Variants in KIAA1671 observed in about 807,000 individuals in gnomAD.
KIAA1671 encodes the protein uncharacterized protein KIAA1671.
A neutral mutation model predicts 131.2 loss-of-function variants in KIAA1671; 52 were observed. The observed-to-expected ratio is 0.40, with a 90% CI of 0.32 to 0.50. The LOEUF is 0.50. KIAA1671 is among the 20% of genes least tolerant of loss of function. The pLI is 0.73. For missense variants in KIAA1671, 2,360 were observed against 2,364.2 expected, an observed-to-expected ratio of 1.00 and a Z score of 0.04; for synonymous variants, 1,003 against 961.6, an observed-to-expected ratio of 1.04 and a Z score of -0.80.
chr22:24,970,897 G>C (rs5996802), intron 1 of KIAA1671, among the ~76,000 whole-genome samples: 31,681 of 152,020 alleles, frequency 0.21, 4,110 homozygotes, highest in African/African-American at 0.36. Context: ...CCTGTGCTAA[G>C]CACTTGCTAT....
At position 25,084,334 on chromosome 22, in the gene KIAA1671, G is replaced by A. The variant is rs146704133; in HGVS notation, c.4530+34970G>A. 9.8e-3 allele frequency among the ~76,000 whole-genome samples: 1,485 copies of A among 152,128 alleles called. 43 individuals carry two copies. Among genetic ancestry groups the A allele is most frequent in the East Asian group, 0.072 (370 of 5,152 alleles). ...TACTAAAAATACAAAAATTAGCCAG[G>A]CATGGTGGCGCACGCCTGTAATCCC... On this transcript the variant is annotated intron_variant, in intron 6 of 12. Coordinates refer to ENST00000358431, the MANE Select transcript of KIAA1671 (RefSeq NM_001145206.2).
At chr22:25,189,898 C>T (rs1934613198) in intron 11 of KIAA1671, among the ~76,000 whole-genome samples, 1 of 152,144 alleles carries the variant, frequency 6.6e-6, no homozygotes, top group African/African-American at 2.4e-5. Flanking sequence ...AGGCATGAGC[C>T]ACTGTGTCCA....
At chr22:25,002,342 C>G (rs1165123318) in intron 1 of KIAA1671, among the ~76,000 whole-genome samples, 1 of 152,146 alleles carries the variant, frequency 6.6e-6, no homozygotes, top group East Asian at 1.9e-4. Context: ...GGAGCTGACT[C>G]TGGCAGCACT....
In KIAA1671 at chr22:25,040,399, A is replaced by T. The variant is rs984481999; in HGVS notation, c.3269A>T (p.Lys1090Met). ...LEMAGSKNWMKGREHENASIL... is the reference protein window; with the variant it reads ...LEMAGSKNWMMGREHENASIL... ...ATGGCAGGCAGTAAAAACTGGATGAAGGGACGAGAGCATGAAAATGCAAGC... is the reference window on the plus strand; with the variant it reads ...ATGGCAGGCAGTAAAAACTGGATGATGGGACGAGAGCATGAAAATGCAAGC... Residue 1090 changes from lysine (K) to methionine (M), a missense_variant, in exon 5 of 13, where the codon AAG (lysine) becomes ATG (methionine). Lys to Met is a moderately conservative substitution (Grantham distance 95, BLOSUM62 -1). Around this residue, in one of 3 missense-constraint regions of KIAA1671, gnomAD observed 1,161 missense variants for 1,204.7 expected, o/e 0.96. Coordinates refer to ENST00000358431, the MANE Select transcript of KIAA1671 (RefSeq NM_001145206.2). 1.1e-5 allele frequency: 17 copies of T among 1,551,880 alleles called. No homozygotes were observed. Among genetic ancestry groups the T allele is most frequent in the Non-Finnish European group, 1.5e-5 (17 of 1,147,064 alleles).
Position 25,041,275 on chromosome 22 carries a change from G to A in KIAA1671, c.4145G>A (p.Arg1382Gln), listed in dbSNP as rs1161982895. 2.8e-5 allele frequency: 43 copies of A among 1,551,620 alleles called. No homozygotes were observed. The African/African-American group carries it at 5.3e-4, about 19-fold the overall frequency. ...KKGTPRKSTGRGEEDSVAQWG... is the reference protein window; with the variant it reads ...KKGTPRKSTGQGEEDSVAQWG... Reference sequence around the variant, plus strand: ...GGGACCCCAAGGAAATCCACCGGGCGGGGAGAGGAGGACAGTGTGGCCCAG... The same window carrying A: ...GGGACCCCAAGGAAATCCACCGGGCAGGGAGAGGAGGACAGTGTGGCCCAG... The change falls in exon 5 of 13, where the codon CGG (arginine) becomes CAG (glutamine). Residue 1382 changes from arginine (R) to glutamine (Q), a missense_variant. Around this residue, in one of 3 missense-constraint regions of KIAA1671, gnomAD observed 1,161 missense variants for 1,204.7 expected, o/e 0.96. Coordinates refer to ENST00000358431, the MANE Select transcript of KIAA1671 (RefSeq NM_001145206.2).
At chr22:25,085,076 C>G (rs1238559662) in intron 6 of KIAA1671, among the ~76,000 whole-genome samples, 1 of 152,240 alleles carries the variant, frequency 6.6e-6, no homozygotes, top group African/African-American at 2.4e-5. Context: ...GGACCCCCTT[C>G]TCAGTGGCAG....
chr22:25,079,673 G>T (rs1929297253), intron 6 of KIAA1671, among the ~76,000 whole-genome samples: 1 of 152,206 alleles, frequency 6.6e-6, no homozygotes, highest in Non-Finnish European at 1.5e-5. Flanking sequence ...AGAACAGGAG[G>T]GATGCCACGG....
chr22:25,036,733 A>G (rs1926617968), intron 4 of KIAA1671, among the ~76,000 whole-genome samples: 1 of 152,008 alleles, frequency 6.6e-6, no homozygotes, highest in African/African-American at 2.4e-5. Flanking sequence ...AGCCTGACCA[A>G]CATGGAGAAA....
At chr22:25,175,683 C>T (rs1489338742) in intron 8 of KIAA1671, 1 of 152,212 alleles carries the variant, frequency 6.6e-6, no homozygotes, top group Non-Finnish European at 1.5e-5. Context: ...CTAAGTGGTT[C>T]CTTCTTGATG....
rs1930055763 is a variant in KIAA1671, at chr22:25,092,122, A to G, written c.4530+42758A>G. Among the ~76,000 whole-genome samples, 3 of 152,286 alleles carry G rather than the reference A, an allele frequency of 2.0e-5. No individual in the cohort carries two copies. In the South Asian group the frequency reaches 6.2e-4, roughly 32 times the overall value. ...CCTGCCCTGGCTGAGTGTGTGTTCT[A>G]GTGGGAGAGACAGCTAATATATATG... On this transcript the variant is annotated intron_variant, in intron 6 of 12. Transcript: ENST00000358431.
intron 11 of KIAA1671, among the ~76,000 whole-genome samples, chr22:25,188,449 T>G (rs1297545524): frequency 0.01 from 191 of 18,814 alleles, no homozygotes; most frequent in African/African-American, 0.025. Flanking sequence ...GCCAATCGGG[T>G]GTGTGTGTGT....
chr22:25,141,794 G>A (rs1195426962), intron 6 of KIAA1671, among the ~76,000 whole-genome samples: 1 of 152,072 alleles, frequency 6.6e-6, no homozygotes, highest in African/African-American at 2.4e-5. Flanking sequence ...TGAAGCCGAG[G>A]TCCAGAGGTT....
chr22:25,001,233 GTATA>G (rs1555951932), intron 1 of KIAA1671, among the ~76,000 whole-genome samples: 6 of 43,986 alleles, frequency 1.4e-4, no homozygotes, highest in Non-Finnish European at 2.0e-4. Context: ...GTATGTGTGT[GTATA>G]TGTGTGTGTG....
chr22:25,078,278 ACT>A (rs1057021663), intron 6 of KIAA1671, among the ~76,000 whole-genome samples: 1 of 152,058 alleles, frequency 6.6e-6, no homozygotes, highest in Non-Finnish European at 1.5e-5. Context: ...TAATCCCAAG[ACT>A]CTGTGAGATC....
chr22:25,075,936 C>T lies in KIAA1671; in HGVS notation c.4530+26572C>T, dbSNP rs541770049. Among the ~76,000 whole-genome samples, 21 of 151,744 alleles carry T rather than the reference C, an allele frequency of 1.4e-4. No homozygotes were observed. The East Asian group carries it at 1.8e-3, about 13-fold the overall frequency. On this transcript the variant is annotated intron_variant, in intron 6 of 12. Transcript: ENST00000358431. ...GATTACAGGCGCCTGCCACCATGCCCGGCTAATTTTTGTATTTTTAGTAGA... is the reference window on the plus strand; with the variant it reads ...GATTACAGGCGCCTGCCACCATGCCTGGCTAATTTTTGTATTTTTAGTAGA...
chr22:25,069,052 T>A lies in KIAA1671; in HGVS notation c.4530+19688T>A, dbSNP rs181706012. On this transcript the variant is annotated intron_variant, in intron 6 of 12. Transcript: ENST00000358431. ...CGGCTTATGAGGAGCAGGTGTTGAGTAGGGGATCCAGGAGCGTCTGGCTTG... is the reference window on the plus strand; with the variant it reads ...CGGCTTATGAGGAGCAGGTGTTGAGAAGGGGATCCAGGAGCGTCTGGCTTG... Among the ~76,000 whole-genome samples the A allele has an allele frequency of 1.7e-3, 264 of 152,252 alleles. 2 individuals are homozygous for A. The highest frequency in any genetic ancestry group is 5.9e-3 in the African/African-American group (244 of 41,550).
chr22:24,953,203 C>T (rs1269505262), intron 1 of KIAA1671, among the ~76,000 whole-genome samples: 1 of 152,166 alleles, frequency 6.6e-6, no homozygotes, highest in Non-Finnish European at 1.5e-5. Context: ...GATCAATCTC[C>T]TCCCATGCCA....
intron 1 of KIAA1671, chr22:25,010,108 T>C (rs1924956167): frequency 6.6e-6 from 1 of 152,228 alleles, no homozygotes; most frequent in East Asian, 1.9e-4. Context: ...ATTTAGGCAG[T>C]TCCCCTCTCC....
chr22:24,979,902 C>A (rs752153440), intron 1 of KIAA1671, among the ~76,000 whole-genome samples: 1 of 151,918 alleles, frequency 6.6e-6, no homozygotes, highest in Non-Finnish European at 1.5e-5. Context: ...TTTGTGATTG[C>A]ATATTTTGCT....
Sources: allele counts gnomAD v4.1 joint callset (sites outside exome capture counted in the v4.1 genomes callset), GRCh38; gene constraint gnomAD v4.1.1; regional missense constraint gnomAD v4.1.1; transcripts MANE v1.5; gene names NCBI Gene and HGNC (gene_info 2026-07-23, HGNC 2026-07-21).